Variants in RAB23 observed in about 807,000 individuals in gnomAD.
RAB23 encodes RAB23, member RAS oncogene family.
RAB23 carries 15 observed loss-of-function variants against 30.0 expected under a neutral mutation model. The ratio of observed to expected loss-of-function variants is 0.50; its 90% CI spans 0.33 to 0.77. The LOEUF is 0.77. Ranked by LOEUF, RAB23 falls within the 30% of genes least tolerant of loss-of-function variation. The pLI, the probability that RAB23 is intolerant of heterozygous loss-of-function variation, is 0.02. For missense variants in RAB23, 243 were observed against 275.4 expected (o/e 0.88, Z 0.83); for synonymous variants, 93 against 94.0 (o/e 0.99, Z 0.06).
chr6:57,219,786 A>G (rs1397507288), intron 1 of RAB23, among the ~76,000 whole-genome samples: 1 of 152,206 alleles, frequency 6.6e-6, no homozygotes, highest in Non-Finnish European at 1.5e-5. Context: ...TTCACACCTT[A>G]TACAATTAAC....
At chr6:57,200,980 T>A (rs1379340800) in intron 3 of RAB23, among the ~76,000 whole-genome samples, 1 of 152,112 alleles carries the variant, frequency 6.6e-6, no homozygotes, top group East Asian at 1.9e-4. Flanking sequence ...TATTTTAAGC[T>A]GAAGGAATCT....
intron 1 of RAB23, 33 bp from the exon 2 acceptor site, chr6:57,210,478 C>T (rs2128004289): frequency 1.6e-6 from 2 of 1,264,338 alleles, no homozygotes; most frequent in South Asian, 1.2e-5. Context: ...TTTTTCATAA[C>T]ACAAAAATGT....
intron 4 of RAB23, among the ~76,000 whole-genome samples, chr6:57,195,736 T>C (rs1454745371): frequency 6.6e-6 from 1 of 152,208 alleles, no homozygotes; most frequent in African/African-American, 2.4e-5. Context: ...CAGTGTAGCC[T>C]TTCCGTGAGA....
chr6:57,210,265 T>C lies in RAB23; in HGVS notation c.116A>G (p.Lys39Arg). 1.2e-6 allele frequency: 2 copies of C among 1,614,138 alleles called. No individual in the cohort carries two copies. The highest frequency in any genetic ancestry group is 8.5e-7 in the Non-Finnish European group (1 of 1,179,958). Residue 39 changes from lysine (K) to arginine (R), a missense_variant, in exon 2 of 7, where the codon AAG becomes AGG. Physicochemically the swap from Lys to Arg is conservative, Grantham distance 26. Coordinates refer to ENST00000468148, the MANE Select transcript of RAB23 (RefSeq NM_016277.5). ...YCKGIFTKDY[K>R]KTIGVDFLER... ...CAAAAAATCAACTCCAATGGTTTTC[T>C]TGTAGTCTTTTGTAAAAATGCCTTT...
At chr6:57,214,870 A>C (rs1384829192) in intron 1 of RAB23, among the ~76,000 whole-genome samples, 1 of 152,242 alleles carries the variant, frequency 6.6e-6, no homozygotes, top group Non-Finnish European at 1.5e-5. Flanking sequence ...GACAGACATT[A>C]GATTCATGTA....
intron 1 of RAB23, among the ~76,000 whole-genome samples, chr6:57,217,529 T>C (rs1055764746): frequency 1.7e-4 from 26 of 152,146 alleles, no homozygotes; most frequent in African/African-American, 6.3e-4. Flanking sequence ...GGCAGTTCTC[T>C]AACTCCTGGC....
At chr6:57,195,302 G>T (rs1416401577) in intron 4 of RAB23, among the ~76,000 whole-genome samples, 7 of 152,114 alleles carry the variant, frequency 4.6e-5, no homozygotes, top group African/African-American at 1.7e-4. Context: ...TACTGGCCAT[G>T]AAACAATTTT....
chr6:57,221,094 A>G (rs969431846), intron 1 of RAB23, among the ~76,000 whole-genome samples: 8 of 152,194 alleles, frequency 5.3e-5, no homozygotes, highest in African/African-American at 1.9e-4. Context: ...GGTCTAATAA[A>G]TTAGAGAAGC....
chr6:57,222,106 C>G lies in RAB23; in HGVS notation c.-446G>C, dbSNP rs1766086464. 1 of 152,354 alleles carries G rather than the reference C, an allele frequency of 6.6e-6. No homozygotes were observed. Among genetic ancestry groups the G allele is most frequent in the Non-Finnish European group, 1.5e-5 (1 of 68,136 alleles). 9.4% of individuals were successfully genotyped at this position (152,354 alleles called of 1,614,324 possible). A position where few individuals can be genotyped will look rare whatever the true frequency, so the allele number is the denominator to read the frequency against. On this transcript the variant is annotated 5_prime_UTR_variant, in exon 1 of 7. Coordinates refer to ENST00000468148, the MANE Select transcript of RAB23 (RefSeq NM_016277.5). Reference sequence around the variant, plus strand: ...GCAACCGCTGCCGCCGCTGTCTCCTCCCGACGCGCCAGCTCTCCCTGCGGG... The same window carrying G: ...GCAACCGCTGCCGCCGCTGTCTCCTGCCGACGCGCCAGCTCTCCCTGCGGG...
At chr6:57,203,000 GTTTTTT>G (rs1170559704) in intron 3 of RAB23, among the ~76,000 whole-genome samples, 3 of 82,598 alleles carry the variant, frequency 3.6e-5, no homozygotes, top group Non-Finnish European at 6.8e-5. Flanking sequence ...AAGATAGGCT[GTTTTTT>G]TTTTTTTTTT....
chr6:57,196,466 C>T lies in RAB23; in HGVS notation c.382G>A (p.Asp128Asn), dbSNP rs200997551. The change falls in exon 4 of 7, where the codon GAT becomes AAT. Residue 128 changes from aspartate (D) to asparagine (N), a missense_variant. By Grantham distance (23) the Asp-to-Asn change is conservative. Transcript: ENST00000468148. ...LVQNKIDLLD[D>N]SCIKNEEAEA... ...CCATCTTACTTCTTTATACAAGAAT[C>T]ATCCAGAAGATCAATCTTGTTTTGC... The T allele has an allele frequency of 1.1e-5, 17 of 1,613,860 alleles. No individual in the cohort carries two copies. The highest frequency in any genetic ancestry group is 1.3e-5 in the African/African-American group (1 of 74,914).
chr6:57,190,146 G>T lies in RAB23; in HGVS notation c.*315C>A. ...TTAAAATCTGTAACAATATATTTAG[G>T]CATTTCATTTATGTTTTCCAGCATT... On this transcript the variant is annotated 3_prime_UTR_variant, in exon 7 of 7. Transcript: ENST00000468148. 3.2e-6 allele frequency: 1 copy of T among 316,060 alleles called. No homozygotes were observed. 19.6% of individuals were successfully genotyped at this position (316,060 alleles called of 1,614,324 possible). A position where few individuals can be genotyped will look rare whatever the true frequency, so the allele number is the denominator to read the frequency against.
In RAB23 at chr6:57,205,265, A is replaced by T. The variant is rs530974440; in HGVS notation, c.241+2363T>A. On this transcript the variant is annotated intron_variant, in intron 3 of 6. Coordinates refer to ENST00000468148, the MANE Select transcript of RAB23 (RefSeq NM_016277.5). ...GTATGTGTGTGTGTATATATATATA[A>T]AAATAAAATTTCATCCATTACTTAA... Among the ~76,000 whole-genome samples the T allele has an allele frequency of 5.7e-4, 87 of 152,056 alleles. 1 individual carries two copies. Among genetic ancestry groups the T allele is most frequent in the African/African-American group, 2.0e-3 (82 of 41,504 alleles).
chr6:57,220,736 GT>G (rs892486960), intron 1 of RAB23, among the ~76,000 whole-genome samples: 3 of 151,880 alleles, frequency 2.0e-5, no homozygotes, highest in Admixed American at 1.3e-4. Context: ...ATCACATTAG[GT>G]TTTTTTTCTG....
intron 3 of RAB23, among the ~76,000 whole-genome samples, chr6:57,198,122 A>G (rs1306645061): frequency 1.3e-5 from 2 of 152,198 alleles, no homozygotes; most frequent in African/African-American, 2.4e-5. Context: ...TGCAAAATAC[A>G]GAAAGAGAGA....
chr6:57,217,754 AG>A (rs1272211309), intron 1 of RAB23, among the ~76,000 whole-genome samples: 5 of 152,246 alleles, frequency 3.3e-5, no homozygotes, highest in Admixed American at 3.3e-4. Flanking sequence ...CTAAAAAAGA[AG>A]AACAGAAATC....
chr6:57,217,616 G>A (rs1015849950), intron 1 of RAB23, among the ~76,000 whole-genome samples: 2 of 151,996 alleles, frequency 1.3e-5, no homozygotes, highest in South Asian at 2.1e-4. Flanking sequence ...CCTAAGATAC[G>A]AAAATTTAGA....
intron 3 of RAB23, among the ~76,000 whole-genome samples, chr6:57,203,000 G>GTTTTTTTTTTT (rs1170559704): frequency 2.4e-5 from 2 of 82,598 alleles, no homozygotes; most frequent in Non-Finnish European, 4.6e-5. Flanking sequence ...AAGATAGGCT[G>GTTTTTTTTTTT]TTTTTTTTTT....
At chr6:57,202,877 GATAA>G (rs1245816734) in intron 3 of RAB23, among the ~76,000 whole-genome samples, 1 of 151,636 alleles carries the variant, frequency 6.6e-6, no homozygotes, top group Non-Finnish European at 1.5e-5. Context: ...ATTGTATTGT[GATAA>G]ATGTTTACTT....
Sources: gnomAD v4.1 joint callset for allele counts (sites outside exome capture counted in the v4.1 genomes callset) on GRCh38, gnomAD v4.1.1 for gene constraint, MANE v1.5 for transcripts, NCBI Gene and HGNC (gene_info 2026-07-23, HGNC 2026-07-21) for gene names.